The following ASTN2 variants were observed in gnomAD, a reference collection of about 807,000 sequenced individuals.
ASTN2 encodes the protein astrotactin 2.
Under a neutral mutation model 139.8 loss-of-function variants are expected in ASTN2, and 54 were observed. The ratio of observed to expected loss-of-function variants is 0.39; its 90% CI spans 0.31 to 0.48. ASTN2 has a LOEUF of 0.48. Ranked by LOEUF, ASTN2 falls within the 20% of genes least tolerant of loss-of-function variation. The probability of loss-of-function intolerance (pLI) is 0.95; values close to 1 mark genes in which losing one functional copy is unlikely to be tolerated. For missense variants in ASTN2, 1,565 were observed against 1,725.1 expected (o/e 0.91, Z 1.64); for synonymous variants, 756 against 719.5 (o/e 1.05, Z -0.81).
At chr9:117,378,895 A>C (rs1830193735) in intron 1 of ASTN2, among the ~76,000 whole-genome samples, 1 of 152,172 alleles carries the variant, frequency 6.6e-6, no homozygotes, top group Admixed American at 6.5e-5. Flanking sequence ...TGAATGGTTT[A>C]GCACCATCCC....
intron 10 of ASTN2, among the ~76,000 whole-genome samples, chr9:116,931,527 C>T (rs1834898105): frequency 6.6e-6 from 1 of 152,198 alleles, no homozygotes; most frequent in African/African-American, 2.4e-5. Context: ...TAGTTAACTA[C>T]ATTGAGCAAA....
At chr9:116,930,843 C>T (rs1834876559) in intron 10 of ASTN2, among the ~76,000 whole-genome samples, 1 of 152,094 alleles carries the variant, frequency 6.6e-6, no homozygotes, top group Non-Finnish European at 1.5e-5. Flanking sequence ...ACCCACTTCC[C>T]CCGCCCCTCC....
rs115261877 is a variant in ASTN2, at chr9:117,007,430, C to A, written c.1591+662G>T. On this transcript the variant is annotated intron_variant, in intron 7 of 22. Coordinates refer to ENST00000313400, the MANE Select transcript of ASTN2 (RefSeq NM_001365068.1). ...TGTGTGGCTATGGAACACTTGAAAT[C>A]TGGGTGGTATGACTGGGAAAATGAA... Among the ~76,000 whole-genome samples, 1,476 of 152,204 alleles carry A rather than the reference C, an allele frequency of 9.7e-3. 27 individuals are homozygous for A. The highest frequency in any genetic ancestry group is 0.034 in the African/African-American group (1,418 of 41,532).
intron 13 of ASTN2, among the ~76,000 whole-genome samples, chr9:116,799,939 T>A (rs1003662239): frequency 6.6e-6 from 1 of 152,152 alleles, no homozygotes; most frequent in Non-Finnish European, 1.5e-5. Context: ...GGAAGTGAAA[T>A]CATTGGCTCT....
intron 1 of ASTN2, among the ~76,000 whole-genome samples, chr9:117,384,265 G>A (rs1830342153): frequency 6.6e-6 from 1 of 152,220 alleles, no homozygotes; most frequent in Non-Finnish European, 1.5e-5. Flanking sequence ...GGTATCTTGG[G>A]AAGTTTTGGG....
chr9:117,265,810 TAA>T lies in ASTN2; in HGVS notation c.630+25514_630+25515del, dbSNP rs11290572. 3.0e-3 allele frequency among the ~76,000 whole-genome samples: 449 copies of T among 147,280 alleles called. 2 individuals carry two copies. The highest frequency in any genetic ancestry group is 3.7e-3 in the South Asian group (17 of 4,604). On this transcript the variant is annotated intron_variant, in intron 2 of 22. Transcript: ENST00000313400. ...TCAGAAAAAATTGAAAGCAAAATGG[TAA>T]AAAAAAAAAAAAATCTCCTAATATT...
rs1303368234 is a variant in ASTN2 at position 117,414,980 on chromosome 9, C to T, written c.-42G>A. ...GTGCTGCGGGCGGCGGCGGCGGTGGCGGCGGTGGCGAAGGAGGAAGAGGAG... is the reference window on the plus strand; with the variant it reads ...GTGCTGCGGGCGGCGGCGGCGGTGGTGGCGGTGGCGAAGGAGGAAGAGGAG... On this transcript the variant is annotated 5_prime_UTR_variant, in exon 1 of 23. Coordinates refer to ENST00000313400, the MANE Select transcript of ASTN2 (RefSeq NM_001365068.1). The surrounding 1 kb of genome is among the most constrained non-coding windows in gnomAD (Gnocchi z 4.2). The T allele has an allele frequency of 9.2e-6, 2 of 217,198 alleles. No homozygotes were observed. The highest frequency in any genetic ancestry group is 1.7e-5 in the Non-Finnish European group (2 of 119,442). 13.5% of individuals were successfully genotyped at this position (217,198 alleles called of 1,614,324 possible).
intron 19 of ASTN2, 130 bp from the exon 20 acceptor site, chr9:116,487,630 G>T: frequency 7.5e-6 from 7 of 936,398 alleles, no homozygotes; most frequent in Non-Finnish European, 1.1e-5. Context: ...AAAAGCAAAA[G>T]ATATGAAAAT....
rs139332898 is a variant in ASTN2, at chr9:117,369,005, T to G, written c.442+45492A>C. Among the ~76,000 whole-genome samples, 932 of 152,246 alleles carry G rather than the reference T, an allele frequency of 6.1e-3. 11 individuals are homozygous for G. The highest frequency in any genetic ancestry group is 0.021 in the African/African-American group (888 of 41,542). ...ATTTACTTAAGGGAAACTAAAGTGT[T>G]GCTAATGAAGATAGAAAATCTTACA... On this transcript the variant is annotated intron_variant, in intron 1 of 22. Coordinates refer to ENST00000313400, the MANE Select transcript of ASTN2 (RefSeq NM_001365068.1).
chr9:117,185,022 C>G (rs1831162387), intron 3 of ASTN2, among the ~76,000 whole-genome samples: 1 of 152,144 alleles, frequency 6.6e-6, no homozygotes, highest in African/African-American at 2.4e-5. Flanking sequence ...GTTACTCTGT[C>G]CACGATTGAG....
chr9:117,292,905 A>G (rs1282255410), intron 1 of ASTN2, among the ~76,000 whole-genome samples: 2 of 152,182 alleles, frequency 1.3e-5, no homozygotes, highest in Admixed American at 1.3e-4. Flanking sequence ...CTATTCTTAT[A>G]TCATCAATGC....
intron 22 of ASTN2, chr9:116,437,500 C>A (rs1297444489): frequency 2.1e-6 from 1 of 471,338 alleles, no homozygotes; most frequent in South Asian, 1.5e-5. Context: ...TATCACAAAC[C>A]ATTACTGAGT....
chr9:116,616,408 AAGAAGC>A, intron 19 of ASTN2, among the ~76,000 whole-genome samples: 2 of 152,312 alleles, frequency 1.3e-5, no homozygotes, highest in Admixed American at 1.3e-4. Context: ...ACCCTAGTGG[AAGAAGC>A]AACACTTGAG....
At chr9:116,933,979 C>CTTTTTTTTTTGTTTTTTTTTTTTT (rs1834987596) in intron 10 of ASTN2, among the ~76,000 whole-genome samples, 1 of 86,910 alleles carries the variant, frequency 1.2e-5, no homozygotes, top group Non-Finnish European at 2.2e-5. Flanking sequence ...AGTGTTAGTC[C>CTTTTTTTTTTGTTTTTTTTTTTTT]TTTTTTTTTT....
In ASTN2 at chr9:116,425,428, C is replaced by A; in HGVS notation, c.*423G>T. ...GTGCTGAAGAGGTCAAAACTGTCTC[C>A]TCTAGGGGTCAGGTCAAAACTGTCC... On this transcript the variant is annotated 3_prime_UTR_variant, in exon 23 of 23. Transcript: ENST00000313400. 1 of 795,188 alleles carries A rather than the reference C, an allele frequency of 1.3e-6. No homozygotes were observed. Among genetic ancestry groups the A allele is most frequent in the Non-Finnish European group, 2.1e-6 (1 of 481,562 alleles). The allele number at this position is 795,188 out of a possible 1,614,324, so 49.3% of individuals were successfully genotyped here.
intron 16 of ASTN2, among the ~76,000 whole-genome samples, chr9:116,657,045 G>T (rs2131944926): frequency 6.6e-6 from 1 of 152,262 alleles, no homozygotes. Context: ...TGGCCTCCCA[G>T]GAATTACTGA....
At chr9:117,093,913 C>T (rs377373548) in intron 5 of ASTN2, among the ~76,000 whole-genome samples, 1 of 152,162 alleles carries the variant, frequency 6.6e-6, no homozygotes, top group South Asian at 2.1e-4. Flanking sequence ...TCTCTCAGTT[C>T]CCTTCCTTGT....
At chr9:116,575,824 G>A (rs955778967) in intron 19 of ASTN2, among the ~76,000 whole-genome samples, 8 of 152,104 alleles carry the variant, frequency 5.3e-5, no homozygotes, top group Admixed American at 5.2e-4. Context: ...CAGATTCATT[G>A]CATAGTGAGC....
intron 16 of ASTN2, among the ~76,000 whole-genome samples, chr9:116,691,050 G>C (rs1860541908): frequency 6.6e-6 from 1 of 152,074 alleles, no homozygotes. Flanking sequence ...CTCCCAAGTA[G>C]CTGGGACCAC....
Sources: allele counts gnomAD v4.1 joint callset (sites outside exome capture counted in the v4.1 genomes callset), GRCh38; gene constraint gnomAD v4.1.1; non-coding constraint Gnocchi (gnomAD v3.1); transcripts MANE v1.5; gene names NCBI Gene and HGNC (gene_info 2026-07-23, HGNC 2026-07-21).